The following RASGRP1 variants were observed in gnomAD, a reference collection of about 807,000 sequenced individuals.
The protein encoded by RASGRP1 is RAS guanyl-releasing protein 1.
A neutral mutation model predicts 95.1 loss-of-function variants in RASGRP1; 37 were observed. That is an observed-to-expected ratio of 0.39 (90% confidence interval 0.30 to 0.51). The LOEUF (loss-of-function observed/expected upper bound fraction) is 0.51. Among genes scored for constraint, RASGRP1 ranks in the 20% least tolerant of loss-of-function variants. The probability of loss-of-function intolerance (pLI) is 0.80; values close to 1 mark genes in which losing one functional copy is unlikely to be tolerated. For missense variants in RASGRP1, 711 were observed against 965.4 expected, an observed-to-expected ratio of 0.74 and a Z score of 3.49; for synonymous variants, 325 against 353.4, an observed-to-expected ratio of 0.92 and a Z score of 0.90.
chr15:38,522,591 T>C (rs1200248478), intron 3 of RASGRP1, among the ~76,000 whole-genome samples: 1 of 152,136 alleles, frequency 6.6e-6, no homozygotes, highest in Admixed American at 6.5e-5. Context: ...ACATTAGAAG[T>C]ATTTTTAAAA....
At chr15:38,560,079 G>T in intron 1 of RASGRP1, 74 bp from the exon 2 acceptor site, 2 of 1,329,216 alleles carry the variant, frequency 1.5e-6, no homozygotes, top group Non-Finnish European at 2.1e-6. Context: ...GAGAGGAAGG[G>T]AATGGAGATA....
intron 15 of RASGRP1, among the ~76,000 whole-genome samples, chr15:38,497,448 G>T (rs920768141): frequency 1.3e-5 from 2 of 149,314 alleles, no homozygotes; most frequent in Non-Finnish European, 3.0e-5. Flanking sequence ...TTGGCCTTTT[G>T]CTCCTACTGT....
Position 38,491,464 on chromosome 15 carries a change from T to C in RASGRP1, c.2260-776A>G, listed in dbSNP as rs541825028. On this transcript the variant is annotated intron_variant, in intron 16 of 16. Transcript: ENST00000310803. ...AAATAGGTTGTATACCTCAATCTTA[T>C]AAAGGCAAATGTTGCCGTATAGTAT... 3.3e-5 allele frequency among the ~76,000 whole-genome samples: 5 copies of C among 152,332 alleles called. No individual in the cohort carries two copies. In the South Asian group the frequency reaches 1.0e-3, roughly 32 times the overall value.
intron 15 of RASGRP1, among the ~76,000 whole-genome samples, chr15:38,495,006 A>C (rs969213101): frequency 8.5e-5 from 13 of 152,168 alleles, no homozygotes; most frequent in African/African-American, 3.1e-4. Flanking sequence ...TGTTTGCACA[A>C]AGGTTGCTTA....
At chr15:38,495,438 CGATA>C (rs1566907994) in intron 15 of RASGRP1, among the ~76,000 whole-genome samples, 1 of 151,864 alleles carries the variant, frequency 6.6e-6, no homozygotes, top group Non-Finnish European at 1.5e-5. Flanking sequence ...TTGAGGTGGG[CGATA>C]GATAGGCTTT....
intron 15 of RASGRP1, among the ~76,000 whole-genome samples, chr15:38,497,932 C>A (rs773090152): frequency 6.6e-6 from 1 of 152,190 alleles, no homozygotes; most frequent in Non-Finnish European, 1.5e-5. Context: ...CCCGCCCTTC[C>A]TTTCTACATT....
chr15:38,555,058 T>G (rs958987454), intron 2 of RASGRP1, among the ~76,000 whole-genome samples: 1 of 152,242 alleles, frequency 6.6e-6, no homozygotes, highest in Non-Finnish European at 1.5e-5. Flanking sequence ...ACAGACCAAG[T>G]TGCAGAGTGG....
At chr15:38,548,032 T>C (rs1239551690) in intron 2 of RASGRP1, among the ~76,000 whole-genome samples, 3 of 151,696 alleles carry the variant, frequency 2.0e-5, no homozygotes, top group South Asian at 2.1e-4. Context: ...TCAGTGCTGA[T>C]TGGGGAATGC....
At chr15:38,557,706 C>T (rs1893627138) in intron 2 of RASGRP1, among the ~76,000 whole-genome samples, 1 of 151,828 alleles carries the variant, frequency 6.6e-6, no homozygotes, top group South Asian at 2.1e-4. Flanking sequence ...AGTTTGGTCG[C>T]TGTAATTCTT....
intron 2 of RASGRP1, among the ~76,000 whole-genome samples, chr15:38,557,601 ATG>A (rs5812045): frequency 8.5e-4 from 123 of 145,282 alleles, no homozygotes; most frequent in Middle Eastern, 3.4e-3. Flanking sequence ...TTGTATATAT[ATG>A]TGTGTGTGTG....
intron 2 of RASGRP1, among the ~76,000 whole-genome samples, chr15:38,549,505 C>A (rs996283747): frequency 1.3e-5 from 2 of 152,196 alleles, no homozygotes; most frequent in Admixed American, 6.5e-5. Context: ...GAAGAGGAGA[C>A]AGACATAGCT....
chr15:38,549,993 C>G (rs999717034), intron 2 of RASGRP1, among the ~76,000 whole-genome samples: 4 of 152,056 alleles, frequency 2.6e-5, no homozygotes, highest in Non-Finnish European at 4.4e-5. Flanking sequence ...CACAGTGGCT[C>G]ATGCCTGTAA....
Position 38,512,774 on chromosome 15 carries a change from G to C in RASGRP1, c.849+9C>G, listed in dbSNP as rs1035597417. The C allele has an allele frequency of 1.2e-6, 2 of 1,613,428 alleles. No homozygotes were observed. Among genetic ancestry groups the C allele is most frequent in the African/African-American group, 2.7e-5 (2 of 74,906 alleles). On this transcript the variant is annotated intron_variant, in intron 7 of 16. Transcript: ENST00000310803. ...AGCCCAAGCCAAATGTCTTAAACCAGTTATTCACCTGAGCCACCTGGATGA... is the reference window on the plus strand; with the variant it reads ...AGCCCAAGCCAAATGTCTTAAACCACTTATTCACCTGAGCCACCTGGATGA...
chr15:38,546,481 G>A (rs1010572758), intron 2 of RASGRP1, among the ~76,000 whole-genome samples: 4 of 152,082 alleles, frequency 2.6e-5, no homozygotes, highest in South Asian at 2.1e-4. Flanking sequence ...CTGCCACCTC[G>A]GCCTCCCAAA....
chr15:38,525,854 G>A (rs1001337122), intron 3 of RASGRP1, among the ~76,000 whole-genome samples: 1 of 152,084 alleles, frequency 6.6e-6, no homozygotes, highest in African/African-American at 2.4e-5. Context: ...GAAGCAATAA[G>A]GCACCAGCAG....
rs375430217 is a variant in RASGRP1, at chr15:38,511,737, A to G, written c.850-17T>C. The G allele has an allele frequency of 1.7e-5, 27 of 1,579,742 alleles. No homozygotes were observed. Among genetic ancestry groups the G allele is most frequent in the Non-Finnish European group, 2.3e-5 (27 of 1,148,982 alleles). On this transcript the variant is annotated splice_polypyrimidine_tract_variant and intron_variant, in intron 7 of 16. Transcript: ENST00000310803. ...GTGGAGCTTCTGTGACACAGAAGAC[A>G]GATGACAGCAGAGTCACTGTACATG...
chr15:38,514,219 C>T (rs1411719711), intron 6 of RASGRP1, among the ~76,000 whole-genome samples: 1 of 152,104 alleles, frequency 6.6e-6, no homozygotes, highest in Non-Finnish European at 1.5e-5. Context: ...TGCAAATTAA[C>T]TGAGCCCCAT....
intron 16 of RASGRP1, 108 bp from the exon 17 acceptor site, chr15:38,490,796 G>A: frequency 8.6e-7 from 1 of 1,164,918 alleles, no homozygotes. Flanking sequence ...CTGTGGCTGA[G>A]AATTAACAAC....
intron 3 of RASGRP1, among the ~76,000 whole-genome samples, chr15:38,522,381 C>T (rs1340208067): frequency 6.6e-6 from 1 of 152,154 alleles, no homozygotes; most frequent in Non-Finnish European, 1.5e-5. Context: ...AGTACATAGG[C>T]ACTACATTGC....
Sources: allele counts gnomAD v4.1 joint callset (sites outside exome capture counted in the v4.1 genomes callset), GRCh38; gene constraint gnomAD v4.1.1; transcripts MANE v1.5; gene names NCBI Gene and HGNC (gene_info 2026-07-23, HGNC 2026-07-21).